LSM11: variants seen among roughly 807,000 people sequenced by gnomAD.
LSM11 encodes the protein U7 snRNA-associated Sm-like protein LSm11.
LSM11 carries 14 observed loss-of-function variants against 28.1 expected under a neutral mutation model. That is an observed-to-expected ratio of 0.50 (90% CI 0.33 to 0.78). The LOEUF (loss-of-function observed/expected upper bound fraction) is 0.78. Ranked by LOEUF, LSM11 falls within the 30% of genes least tolerant of loss-of-function variation. The pLI is 0.02. For synonymous variants in LSM11, 207 were observed against 214.2 expected, an observed-to-expected ratio of 0.97 and a Z score of 0.30; for missense variants, 495 against 510.6, an observed-to-expected ratio of 0.97 and a Z score of 0.30.
chr5:157,748,118 C>T (rs1761173685), intron 1 of LSM11, among the ~76,000 whole-genome samples: 1 of 152,090 alleles, frequency 6.6e-6, no homozygotes, highest in South Asian at 2.1e-4. Context: ...TTCAATCTGT[C>T]ATGGCACCCT....
intron 1 of LSM11, among the ~76,000 whole-genome samples, chr5:157,745,682 G>GAC (rs1761136717): frequency 6.6e-6 from 1 of 152,226 alleles, no homozygotes; most frequent in Admixed American, 6.5e-5. Context: ...GTAATGGTAT[G>GAC]ACAGTGTGTG....
chr5:157,747,950 G>A (rs879525845), intron 1 of LSM11, among the ~76,000 whole-genome samples: 5 of 152,146 alleles, frequency 3.3e-5, no homozygotes, highest in South Asian at 2.1e-4. Flanking sequence ...GCTGTCTCCA[G>A]TGCAACTAAG....
intron 1 of LSM11, 120 bp from the exon 2 acceptor site, chr5:157,751,270 A>G: frequency 8.9e-7 from 1 of 1,117,758 alleles, no homozygotes; most frequent in Non-Finnish European, 1.2e-6. Context: ...CTGTTCCAAT[A>G]GTGAGATTGT....
At chr5:157,746,048 C>T (rs1761141379) in intron 1 of LSM11, among the ~76,000 whole-genome samples, 2 of 152,016 alleles carry the variant, frequency 1.3e-5, no homozygotes, top group Admixed American at 6.6e-5. Flanking sequence ...ACAAACCTTT[C>T]GTGTACCTCC....
intron 1 of LSM11, 115 bp from the exon 2 acceptor site, chr5:157,751,275 G>A (rs1013156065): frequency 8.4e-7 from 1 of 1,187,066 alleles, no homozygotes; most frequent in East Asian, 2.6e-5. Flanking sequence ...CCAATAGTGA[G>A]ATTGTCACTC....
rs777153412 is a variant in LSM11 at position 157,744,063 on chromosome 5, C to T, written c.313C>T (p.Pro105Ser). 6.8e-7 allele frequency: 1 copy of T among 1,465,658 alleles called. No homozygotes were observed. Among genetic ancestry groups the T allele is most frequent in the Non-Finnish European group, 9.0e-7 (1 of 1,111,974 alleles). 90.8% of individuals were successfully genotyped at this position (1,465,658 alleles called of 1,614,324 possible). The stretch of plus-strand genomic sequence containing the variant: ...TCGTCGCCGCCCGGACGCGCCCGCC[C>T]CGGACCCCGAGCGCATCCAGCGCCT... ...RTRRRPDAPAPDPERIQRLRR... is the reference protein window; with the variant it reads ...RTRRRPDAPASDPERIQRLRR... The change falls in exon 1 of 4, where the codon CCG becomes TCG. Residue 105 changes from proline to serine, a missense_variant. Transcript: ENST00000286307.
intron 1 of LSM11, among the ~76,000 whole-genome samples, chr5:157,750,699 A>C (rs1761217278): frequency 6.6e-6 from 1 of 152,168 alleles, no homozygotes; most frequent in Non-Finnish European, 1.5e-5. Flanking sequence ...CTCAAGCTGG[A>C]TATGTGATTC....
At chr5:157,745,620 G>T (rs2113067143) in intron 1 of LSM11, among the ~76,000 whole-genome samples, 1 of 152,346 alleles carries the variant, frequency 6.6e-6, no homozygotes, top group South Asian at 2.1e-4. Context: ...GAATATTCCT[G>T]TGTATTGCTA....
rs138976439 is a variant in LSM11, at chr5:157,757,483, G to A, written c.*2219G>A. 3 of 152,316 alleles carry A rather than the reference G, an allele frequency of 2.0e-5. No homozygotes were observed. The East Asian group carries it at 5.8e-4, about 29-fold the overall frequency. 9.4% of individuals were successfully genotyped at this position (152,316 alleles called of 1,614,324 possible). On this transcript the variant is annotated 3_prime_UTR_variant, in exon 4 of 4. Coordinates refer to ENST00000286307, the MANE Select transcript of LSM11 (RefSeq NM_173491.4). The stretch of plus-strand genomic sequence containing the variant: ...ACACATCCCGAAAGGGCAATCTGTG[G>A]AAGTTTGTTGTTTGTTTGTTTTTAT...
chr5:157,754,971 G>A lies in LSM11; in HGVS notation c.790G>A (p.Val264Met). 1 of 1,614,244 alleles carries A rather than the reference G, an allele frequency of 6.2e-7. No homozygotes were observed. The highest frequency in any genetic ancestry group is 8.5e-7 in the Non-Finnish European group (1 of 1,180,044). ...SQTSTWKLAS[V>M]WGRADTGRGS... ...GACATCCACTTGGAAGTTGGCTTCA[G>A]TGTGGGGAAGAGCAGACACTGGCCG... is the stretch of plus-strand genomic sequence containing the variant. Residue 264 changes from valine to methionine, a missense_variant, in exon 4 of 4, where the codon GTG becomes ATG. Coordinates refer to ENST00000286307, the MANE Select transcript of LSM11 (RefSeq NM_173491.4).
intron 2 of LSM11, among the ~76,000 whole-genome samples, chr5:157,752,117 T>A (rs950567607): frequency 2.4e-4 from 37 of 151,718 alleles, no homozygotes; most frequent in Admixed American, 7.2e-4. Flanking sequence ...TAAATAAGGA[T>A]AGAGGTGAAG....
At chr5:157,752,863 AAAG>A (rs1381756944) in intron 2 of LSM11, among the ~76,000 whole-genome samples, 46 of 149,892 alleles carry the variant, frequency 3.1e-4, no homozygotes, top group African/African-American at 1.0e-3. Context: ...AAAAAAAAAA[AAAG>A]AACCACCAGA....
intron 1 of LSM11, among the ~76,000 whole-genome samples, chr5:157,746,819 A>C (rs1761155388): frequency 6.6e-6 from 1 of 152,102 alleles, no homozygotes; most frequent in Admixed American, 6.6e-5. Flanking sequence ...ATGAGGCACG[A>C]GAATCGCTTG....
At chr5:157,746,716 C>T (rs1761153159) in intron 1 of LSM11, among the ~76,000 whole-genome samples, 1 of 152,114 alleles carries the variant, frequency 6.6e-6, no homozygotes, top group Admixed American at 6.6e-5. Flanking sequence ...TCAAGACCAG[C>T]CTGGCCAACG....
chr5:157,755,979 G>A lies in LSM11; in HGVS notation c.*715G>A, dbSNP rs558423290. 7.9e-5 allele frequency: 26 copies of A among 328,306 alleles called. No homozygotes were observed. The highest frequency in any genetic ancestry group is 4.9e-4 in the African/African-American group (23 of 47,004). 20.3% of individuals were successfully genotyped at this position (328,306 alleles called of 1,614,324 possible). The stretch of plus-strand genomic sequence containing the variant: ...GGCATACCAGATGGGACTCTAAGAT[G>A]CTTGTGTGGTGGCTTCTTGTCCTTC... On this transcript the variant is annotated 3_prime_UTR_variant, in exon 4 of 4. Transcript: ENST00000286307.
intron 2 of LSM11, 58 bp from the exon 3 acceptor site, chr5:157,753,946 T>A: frequency 8.4e-7 from 1 of 1,186,028 alleles, no homozygotes; most frequent in Non-Finnish European, 1.1e-6. Context: ...CTGAAAAAGC[T>A]ATACAAATAA....
At chr5:157,753,718 CCT>C (rs1184963165) in intron 2 of LSM11, among the ~76,000 whole-genome samples, 12 of 152,286 alleles carry the variant, frequency 7.9e-5, no homozygotes, top group Admixed American at 2.6e-4. Flanking sequence ...TAATAAACCT[CCT>C]AGATATTCTT....
intron 1 of LSM11, among the ~76,000 whole-genome samples, chr5:157,748,146 A>G (rs1761173996): frequency 6.6e-6 from 1 of 152,180 alleles, no homozygotes; most frequent in African/African-American, 2.4e-5. Flanking sequence ...AATGGCAACT[A>G]AAACTATTTT....
rs1761331564 is a variant in LSM11, at chr5:157,756,559, A to G, written c.*1295A>G. 1 of 152,594 alleles carries G rather than the reference A, an allele frequency of 6.6e-6. No homozygotes were observed. The highest frequency in any genetic ancestry group is 2.4e-5 in the African/African-American group (1 of 41,456). The allele number at this position is 152,594 out of a possible 1,614,324, so 9.5% of individuals were successfully genotyped here. ...TGAAAAGAAAACTTTCCCCTGCTGT[A>G]TTTGTTGTGTAACATAAATAAGCCT... On this transcript the variant is annotated 3_prime_UTR_variant, in exon 4 of 4. Transcript: ENST00000286307.
Sources: allele counts gnomAD v4.1 joint callset (sites outside exome capture counted in the v4.1 genomes callset), GRCh38; gene constraint gnomAD v4.1.1; transcripts MANE v1.5; gene names NCBI Gene and HGNC (gene_info 2026-07-23, HGNC 2026-07-21).